The following CASZ1 variants were observed in gnomAD, a reference collection of about 807,000 sequenced individuals.
The protein encoded by CASZ1 is castor zinc finger 1.
In CASZ1, 28 loss-of-function variants were observed where a neutral mutation model predicts 135.2. The ratio of observed to expected loss-of-function variants is 0.21; its 90% CI spans 0.15 to 0.28. The LOEUF is 0.28. CASZ1 is among the 10% of genes least tolerant of loss of function. The pLI is 1.00. For synonymous variants in CASZ1, 1,068 were observed against 1,073.4 expected, an observed-to-expected ratio of 0.99 and a Z score of 0.10; for missense variants, 2,161 against 2,453.3, an observed-to-expected ratio of 0.88 and a Z score of 2.52.
At chr1:10,732,696 A>G (rs2100512068) in intron 2 of CASZ1, among the ~76,000 whole-genome samples, 1 of 152,278 alleles carries the variant, frequency 6.6e-6, no homozygotes, top group South Asian at 2.1e-4. Flanking sequence ...TCACCCGGGG[A>G]GGTGGCCCCT....
chr1:10,649,125 C>T lies in CASZ1; in HGVS notation c.3103G>A (p.Val1035Met), dbSNP rs1236873658. 2 of 1,613,732 alleles carry T rather than the reference C, an allele frequency of 1.2e-6. No homozygotes were observed. Among genetic ancestry groups the T allele is most frequent in the Non-Finnish European group, 1.7e-6 (2 of 1,180,022 alleles). ...CTGAAGAGCGCGCCGCATTCCTCCA[C>T]CACGCAGTGGAAGTGGGCCTTGTGG... The part of the protein sequence containing the change: ...FLHKAHFHCV[V>M]EECGALFSTL... Residue 1035 changes from valine to methionine, a missense_variant, in exon 15 of 21, where the codon GTG becomes ATG. This residue lies in a region of CASZ1 where 349 missense variants were observed against 460.8 expected (regional missense o/e 0.76). Transcript: ENST00000377022.
At chr1:10,689,530 GA>G (rs964380371) in intron 4 of CASZ1, among the ~76,000 whole-genome samples, 14 of 152,142 alleles carry the variant, frequency 9.2e-5, no homozygotes, top group African/African-American at 3.4e-4. Flanking sequence ...CCCTACCAGG[GA>G]AAAAGGGCCA....
At chr1:10,645,963 G>T (rs1642351899) in intron 17 of CASZ1, among the ~76,000 whole-genome samples, 165 bp downstream of exon 17, 1 of 152,100 alleles carries the variant, frequency 6.6e-6, no homozygotes. Context: ...GTCTCCAGGG[G>T]CCTAGGGGCA....
chr1:10,765,453 GC>G (rs1640457412), intron 1 of CASZ1, among the ~76,000 whole-genome samples: 1 of 152,010 alleles, frequency 6.6e-6, no homozygotes, highest in Non-Finnish European at 1.5e-5. Context: ...ATGTGTTGTG[GC>G]ACGAAAGTGT....
At position 10,733,447 on chromosome 1, in the gene CASZ1, A is replaced by AT. The variant is rs542620543; in HGVS notation, c.-77+27253dup. ...ACCAGGGCCACCTGCACGCCTGTCCATCCCACACACTTCCCAAGAGCTGGC... is the reference window on the plus strand; with the variant it reads ...ACCAGGGCCACCTGCACGCCTGTCCATTCCCACACACTTCCCAAGAGCTGGC... On this transcript the variant is annotated intron_variant, in intron 2 of 20. Transcript: ENST00000377022. Among the ~76,000 whole-genome samples, 12 of 152,300 alleles carry AT rather than the reference A, an allele frequency of 7.9e-5. No individual in the cohort carries two copies. In the East Asian group the frequency reaches 2.3e-3, roughly 29 times the overall value.
chr1:10,647,133 G>T lies in CASZ1; in HGVS notation c.3497+668C>A. On this transcript the variant is annotated intron_variant, in intron 16 of 20. Transcript: ENST00000377022. The surrounding 1 kb of genome is among the most constrained non-coding windows in gnomAD (Gnocchi z 4.9). ...AGGGGAGGCTGGTGGGGGGGACGGA[G>T]AACAGTGCTGGGCCCCTTCCATGCT... 1 of 608,416 alleles carries T rather than the reference G, an allele frequency of 1.6e-6. No homozygotes were observed. The highest frequency in any genetic ancestry group is 2.1e-6 in the Non-Finnish European group (1 of 484,898). 37.7% of individuals were successfully genotyped at this position (608,416 alleles called of 1,614,324 possible). A position where few individuals can be genotyped will look rare whatever the true frequency, so the allele number is the denominator to read the frequency against.
intron 4 of CASZ1, among the ~76,000 whole-genome samples, chr1:10,686,900 C>T (rs952304356): frequency 1.3e-5 from 2 of 152,232 alleles, no homozygotes; most frequent in East Asian, 1.9e-4. Context: ...CGTGGGGCAC[C>T]CCCTGCCGGG....
At chr1:10,648,181 G>C in intron 15 of CASZ1, 42 bp from the exon 16 acceptor site, 1 of 1,392,646 alleles carries the variant, frequency 7.2e-7, no homozygotes, top group Non-Finnish European at 9.7e-7. Flanking sequence ...GGGCAGTGAA[G>C]ACAGGTGTGG....
intron 11 of CASZ1, chr1:10,652,467 G>C (rs1642625654): frequency 6.6e-6 from 1 of 152,368 alleles, no homozygotes; most frequent in South Asian, 2.1e-4. Context: ...AGTGAAATGA[G>C]CCACATCCCA....
At chr1:10,753,308 G>C (rs1640183554) in intron 2 of CASZ1, among the ~76,000 whole-genome samples, 1 of 152,156 alleles carries the variant, frequency 6.6e-6, no homozygotes, top group Non-Finnish European at 1.5e-5. Flanking sequence ...TCCGTCTCAG[G>C]ACAGCAGATT....
rs960871085 is a variant in CASZ1 at position 10,721,523 on chromosome 1, G to A, written c.-76-15979C>T. On this transcript the variant is annotated intron_variant, in intron 2 of 20. Transcript: ENST00000377022. This position sits in a 1 kb window ranked among gnomAD's most constrained non-coding sequence, Gnocchi z 5.4. ...TTTTCATAGGATCTCCTCCATTCCCGGCTCGCAGGGAGCTTGAAACCAGGA... is the reference window on the plus strand; with the variant it reads ...TTTTCATAGGATCTCCTCCATTCCCAGCTCGCAGGGAGCTTGAAACCAGGA... 6.6e-6 allele frequency among the ~76,000 whole-genome samples: 1 copy of A among 152,064 alleles called. No individual in the cohort carries two copies.
chr1:10,699,541 G>A lies in CASZ1; in HGVS notation c.-23-5629C>T, dbSNP rs1026297657. 6.6e-6 allele frequency among the ~76,000 whole-genome samples: 1 copy of A among 152,220 alleles called. No individual in the cohort carries two copies. The highest frequency in any genetic ancestry group is 2.4e-5 in the African/African-American group (1 of 41,448). ...CAGGACAGTCGGCAGAAGTCTTGCTGGCAGCCCAGCACCCAGGGAGCCGGG... is the reference window on the plus strand; with the variant it reads ...CAGGACAGTCGGCAGAAGTCTTGCTAGCAGCCCAGCACCCAGGGAGCCGGG... On this transcript the variant is annotated intron_variant, in intron 3 of 20. Transcript: ENST00000377022. This position sits in a 1 kb window ranked among gnomAD's most constrained non-coding sequence, Gnocchi z 4.6.
chr1:10,670,711 G>T (rs751962377), intron 4 of CASZ1, among the ~76,000 whole-genome samples: 8 of 152,220 alleles, frequency 5.3e-5, no homozygotes, highest in Non-Finnish European at 1.2e-4. Context: ...GGTGCCACAG[G>T]AGTGGCAGGT....
Position 10,709,920 on chromosome 1 carries a change from G to A in CASZ1, c.-76-4376C>T, listed in dbSNP as rs150843297. 2.7e-3 allele frequency among the ~76,000 whole-genome samples: 411 copies of A among 152,302 alleles called. 1 individual carries two copies. The highest frequency in any genetic ancestry group is 9.0e-3 in the African/African-American group (376 of 41,572). ...GCCTCGGGAAAGGAGCCTGGGCCCC[G>A]GACCAGGGAGGGGCGGTGGGGGTGG... On this transcript the variant is annotated intron_variant, in intron 2 of 20. Transcript: ENST00000377022. The surrounding 1 kb of genome is among the most constrained non-coding windows in gnomAD (Gnocchi z 5.1).
At chr1:10,656,564 G>T in intron 8 of CASZ1, 82 bp downstream of exon 8, 1 of 1,074,040 alleles carries the variant, frequency 9.3e-7, no homozygotes, top group Non-Finnish European at 1.4e-6. Flanking sequence ...CCCCCCCACT[G>T]CCGTCCCCGC....
Position 10,719,835 on chromosome 1 carries a change from G to T in CASZ1, c.-76-14291C>A, listed in dbSNP as rs114278457. On this transcript the variant is annotated intron_variant, in intron 2 of 20. Coordinates refer to ENST00000377022, the MANE Select transcript of CASZ1 (RefSeq NM_001079843.3). The surrounding 1 kb of genome is among the most constrained non-coding windows in gnomAD (Gnocchi z 4.0). ...CAGGCCTGGAACAGGCACCTCCGGG[G>T]TTCAAAGGCCCACAGAAGCCACCGG... Among the ~76,000 whole-genome samples, 2 of 152,346 alleles carry T rather than the reference G, an allele frequency of 1.3e-5. No homozygotes were observed. The highest frequency in any genetic ancestry group is 3.9e-4 in the East Asian group (2 of 5,182).
chr1:10,716,014 C>T (rs1182318459), intron 2 of CASZ1, among the ~76,000 whole-genome samples: 6 of 140,644 alleles, frequency 4.3e-5, no homozygotes, highest in African/African-American at 1.4e-4. Flanking sequence ...ACCCAATCCA[C>T]ACCCCACAGC....
intron 2 of CASZ1, among the ~76,000 whole-genome samples, chr1:10,722,874 C>T (rs989123807): frequency 3.3e-5 from 5 of 152,262 alleles, no homozygotes; most frequent in African/African-American, 4.8e-5. Context: ...GGCCTGCCCC[C>T]GCACCCCAGA....
At position 10,747,433 on chromosome 1, in the gene CASZ1, A is replaced by G. The variant is rs570457207; in HGVS notation, c.-77+13268T>C. ...TGCCATTGAGGGTCTAACAGTGGCCAGGTCCCAGCGGCAGATGAAAGGCGT... is the reference window on the plus strand; with the variant it reads ...TGCCATTGAGGGTCTAACAGTGGCCGGGTCCCAGCGGCAGATGAAAGGCGT... On this transcript the variant is annotated intron_variant, in intron 2 of 20. Coordinates refer to ENST00000377022, the MANE Select transcript of CASZ1 (RefSeq NM_001079843.3). The surrounding 1 kb of genome is among the most constrained non-coding windows in gnomAD (Gnocchi z 4.3). Among the ~76,000 whole-genome samples, 12 of 152,348 alleles carry G rather than the reference A, an allele frequency of 7.9e-5. No homozygotes were observed. Among genetic ancestry groups the G allele is most frequent in the Non-Finnish European group, 1.3e-4 (9 of 68,032 alleles).
Sources: allele counts gnomAD v4.1 joint callset (sites outside exome capture counted in the v4.1 genomes callset), GRCh38; gene constraint gnomAD v4.1.1; regional missense constraint gnomAD v4.1.1; non-coding constraint Gnocchi (gnomAD v3.1); transcripts MANE v1.5; gene names NCBI Gene and HGNC (gene_info 2026-07-23, HGNC 2026-07-21).